Variants in DEPTOR observed in about 807,000 individuals in gnomAD.
The protein encoded by DEPTOR is DEP domain containing MTOR interacting protein, also known as DEP domain-containing mTOR-interacting protein.
DEPTOR carries 41 observed loss-of-function variants against 41.6 expected under a neutral mutation model. The observed-to-expected ratio is 0.98, with a 90% CI of 0.77 to 1.28. DEPTOR has a LOEUF of 1.28. Among genes scored for constraint, DEPTOR ranks in the 50% most tolerant of loss-of-function variants. The pLI is 0.00. For missense variants in DEPTOR, 514 were observed against 527.9 expected, an observed-to-expected ratio of 0.97 and a Z score of 0.26; for synonymous variants, 195 against 192.3, an observed-to-expected ratio of 1.01 and a Z score of -0.12.
chr8:120,034,264 T>C (rs1297103529), intron 8 of DEPTOR, among the ~76,000 whole-genome samples: 1 of 145,278 alleles, frequency 6.9e-6, no homozygotes, highest in Non-Finnish European at 1.5e-5. Context: ...GCAAAGCATG[T>C]ACACACACAC....
chr8:119,880,252 CACTT>C (rs1182150839), intron 1 of DEPTOR, among the ~76,000 whole-genome samples: 10 of 152,098 alleles, frequency 6.6e-5, no homozygotes, highest in African/African-American at 2.2e-4. Context: ...ATAACAATAA[CACTT>C]ACATGGCACC....
intron 1 of DEPTOR, among the ~76,000 whole-genome samples, chr8:119,903,155 A>G (rs1349363984): frequency 6.6e-6 from 1 of 151,958 alleles, no homozygotes; most frequent in Admixed American, 6.6e-5. Context: ...CTGGAGTGCA[A>G]TGGTGCGATC....
chr8:119,969,888 A>G (rs1243367457), intron 4 of DEPTOR: 1 of 152,232 alleles, frequency 6.6e-6, no homozygotes, highest in Non-Finnish European at 1.5e-5. Flanking sequence ...TGTCTGGCTA[A>G]TAATTAATTT....
At chr8:119,985,163 ACT>A (rs1006362878) in intron 4 of DEPTOR, among the ~76,000 whole-genome samples, 12 of 152,136 alleles carry the variant, frequency 7.9e-5, no homozygotes, top group African/African-American at 2.9e-4. Flanking sequence ...ACAGCATGAG[ACT>A]CTGTCTCAAA....
At chr8:119,954,217 C>T (rs902807967) in intron 3 of DEPTOR, among the ~76,000 whole-genome samples, 1 of 151,732 alleles carries the variant, frequency 6.6e-6, no homozygotes, top group Non-Finnish European at 1.5e-5. Context: ...AATCACAGCT[C>T]ACTGCAGCCT....
intron 8 of DEPTOR, among the ~76,000 whole-genome samples, chr8:120,037,877 G>T (rs1289179122): frequency 6.6e-6 from 1 of 152,134 alleles, no homozygotes; most frequent in African/African-American, 2.4e-5. Context: ...TAAAGATGAT[G>T]GCAATGGTGT....
At chr8:119,950,132 G>A (rs1037311972) in intron 3 of DEPTOR, among the ~76,000 whole-genome samples, 6 of 152,152 alleles carry the variant, frequency 3.9e-5, no homozygotes, top group African/African-American at 9.7e-5. Flanking sequence ...TCGAAAGGAC[G>A]ACCCTTTCCT....
At position 120,002,791 on chromosome 8, in the gene DEPTOR, A is replaced by AATATATATATATATATATAT. The variant is rs1177103228; in HGVS notation, c.791-184_791-165dup. 6.4e-4 allele frequency among the ~76,000 whole-genome samples: 39 copies of AATATATATATATATATATAT among 60,634 alleles called. 1 individual carries two copies. The highest frequency in any genetic ancestry group is 9.5e-4 in the Non-Finnish European group (33 of 34,782). The allele number at this position is 60,634 out of a possible 152,430, so 39.8% of individuals were successfully genotyped here. A position where few individuals can be genotyped will look rare whatever the true frequency, so the allele number is the denominator to read the frequency against. On this transcript the variant is annotated intron_variant, in intron 5 of 8. Coordinates refer to ENST00000286234, the MANE Select transcript of DEPTOR (RefSeq NM_022783.4). ...GACTCCATCTCAAAAAAAAAAAAAAAATATATATATATATATATATAATAT... is the reference window on the plus strand; with the variant it reads ...GACTCCATCTCAAAAAAAAAAAAAAAATATATATATATATATATATATATATATATATATATATATAATAT...
intron 4 of DEPTOR, among the ~76,000 whole-genome samples, chr8:119,985,763 T>C (rs1340560893): frequency 1.3e-5 from 2 of 151,734 alleles, no homozygotes; most frequent in African/African-American, 4.8e-5. Context: ...CCCTTCTTTG[T>C]CTTTTTTGAT....
At chr8:120,002,248 T>C (rs2130082803) in intron 5 of DEPTOR, among the ~76,000 whole-genome samples, 1 of 152,226 alleles carries the variant, frequency 6.6e-6, no homozygotes, top group East Asian at 1.9e-4. Flanking sequence ...CAAGAGACTC[T>C]CCTGCCTCAG....
intron 4 of DEPTOR, among the ~76,000 whole-genome samples, chr8:119,967,091 T>A (rs1008052373): frequency 6.6e-5 from 10 of 151,856 alleles, no homozygotes; most frequent in Non-Finnish European, 1.3e-4. Context: ...TTTGTTTTGT[T>A]TTTTTGAGAT....
chr8:120,049,667 C>T lies in DEPTOR; in HGVS notation c.1193C>T (p.Thr398Met), dbSNP rs375154981. ...VSNLILTGPR[T>M]IVMEVMEELE... ...AATCTGATTCTGACGGGCCCACGGACGATTGTCATGGAAGTCATGGAGGAG... is the reference window on the plus strand; with the variant it reads ...AATCTGATTCTGACGGGCCCACGGATGATTGTCATGGAAGTCATGGAGGAG... Residue 398 changes from threonine (T) to methionine (M), a missense_variant, in exon 9 of 9, where the codon ACG becomes ATG. Transcript: ENST00000286234. 3.3e-5 allele frequency: 54 copies of T among 1,613,888 alleles called. No individual in the cohort carries two copies. In the Admixed American group the frequency reaches 5.3e-4, roughly 16 times the overall value.
chr8:119,953,082 A>C (rs182321869), intron 3 of DEPTOR, among the ~76,000 whole-genome samples: 103 of 152,328 alleles, frequency 6.8e-4, no homozygotes, highest in African/African-American at 2.2e-3. Context: ...TGCTCATGTG[A>C]GCATTTCTCC....
At chr8:120,008,605 C>T (rs766277728) in intron 7 of DEPTOR, among the ~76,000 whole-genome samples, 7 of 150,570 alleles carry the variant, frequency 4.6e-5, no homozygotes, top group East Asian at 2.0e-4. Context: ...ACTTCAATGA[C>T]GTTGCAGGAT....
intron 8 of DEPTOR, among the ~76,000 whole-genome samples, chr8:120,047,518 C>T (rs1233348465): frequency 2.0e-5 from 3 of 151,708 alleles, no homozygotes; most frequent in African/African-American, 7.3e-5. Flanking sequence ...CAGGCATCCG[C>T]CACCACGCCC....
At chr8:119,979,138 A>G (rs1265869804) in intron 4 of DEPTOR, among the ~76,000 whole-genome samples, 1 of 152,188 alleles carries the variant, frequency 6.6e-6, no homozygotes, top group Non-Finnish European at 1.5e-5. Flanking sequence ...ACATACATCT[A>G]TCCTGACTAT....
chr8:119,943,624 C>T (rs1828231886), intron 3 of DEPTOR, among the ~76,000 whole-genome samples: 1 of 152,014 alleles, frequency 6.6e-6, no homozygotes, highest in Admixed American at 6.6e-5. Flanking sequence ...ACATCAGTCA[C>T]GGTTACTGTC....
At chr8:119,932,815 A>T (rs762339758) in intron 3 of DEPTOR, among the ~76,000 whole-genome samples, 12 of 152,142 alleles carry the variant, frequency 7.9e-5, no homozygotes, top group Non-Finnish European at 1.5e-4. Context: ...GACGTTTTTG[A>T]AGAGACAACA....
chr8:120,012,757 G>A (rs1328453007), intron 8 of DEPTOR, among the ~76,000 whole-genome samples: 1 of 151,986 alleles, frequency 6.6e-6, no homozygotes, highest in African/African-American at 2.4e-5. Flanking sequence ...AGATAGTTTC[G>A]ATTTCTTGAC....
Sources: allele counts gnomAD v4.1 joint callset (sites outside exome capture counted in the v4.1 genomes callset), GRCh38; gene constraint gnomAD v4.1.1; transcripts MANE v1.5; gene names NCBI Gene and HGNC (gene_info 2026-07-23, HGNC 2026-07-21).